UGT2B7: variants seen among roughly 807,000 people sequenced by gnomAD.
UGT2B7 encodes the protein UDP-glucuronosyltransferase 2B7.
In UGT2B7, 51 loss-of-function variants were observed where a neutral mutation model predicts 51.9. The ratio of observed to expected loss-of-function variants is 0.98; its 90% confidence interval spans 0.78 to 1.24. The LOEUF is 1.24. Among genes scored for constraint, UGT2B7 ranks in the 50% most tolerant of loss-of-function variants. The probability of loss-of-function intolerance (pLI) is 0.00; values close to 1 mark genes in which losing one functional copy is unlikely to be tolerated. For missense variants in UGT2B7, 727 were observed against 628.4 expected, an observed-to-expected ratio of 1.16 and a Z score of -1.68; for synonymous variants, 225 against 211.6, an observed-to-expected ratio of 1.06 and a Z score of -0.55.
At chr4:69,067,604 A>G (rs1334419661) in intron 1 of UGT2B7, 1 of 153,160 alleles carries the variant, frequency 6.5e-6, no homozygotes. Context: ...CATTAAAGGC[A>G]GTCATTAATG....
chr4:69,057,772 C>A (rs1423320769), intron 1 of UGT2B7, among the ~76,000 whole-genome samples: 1 of 152,188 alleles, frequency 6.6e-6, no homozygotes, highest in Non-Finnish European at 1.5e-5. Context: ...TGTTAAAGAA[C>A]TTTAAGAAAG....
At chr4:69,100,875 A>AT (rs1450854422) in intron 2 of UGT2B7, among the ~76,000 whole-genome samples, 1 of 152,146 alleles carries the variant, frequency 6.6e-6, no homozygotes, top group Non-Finnish European at 1.5e-5. Flanking sequence ...TTATAAGAGA[A>AT]AAAGACACTT....
chr4:69,056,856 G>C (rs551434422), intron 1 of UGT2B7, among the ~76,000 whole-genome samples: 3 of 152,234 alleles, frequency 2.0e-5, no homozygotes, highest in Admixed American at 6.5e-5. Flanking sequence ...CAAAAGGGGG[G>C]AATGAAGGAA....
At chr4:69,087,068 C>G (rs1718978188) in intron 1 of UGT2B7, among the ~76,000 whole-genome samples, 1 of 151,194 alleles carries the variant, frequency 6.6e-6, no homozygotes, top group African/African-American at 2.4e-5. Context: ...CTTTCTCTCT[C>G]TCTCTCTCTG....
intron 1 of UGT2B7, among the ~76,000 whole-genome samples, chr4:69,056,199 A>G (rs1718191633): frequency 6.6e-6 from 1 of 152,206 alleles, no homozygotes. Flanking sequence ...TTAAAAAGAT[A>G]ATAAATGGCC....
chr4:69,082,124 T>C (rs1560504342), intron 1 of UGT2B7, among the ~76,000 whole-genome samples: 1 of 152,082 alleles, frequency 6.6e-6, no homozygotes, highest in Non-Finnish European at 1.5e-5. Flanking sequence ...ATATAAGATG[T>C]CCAACTTAAT....
chr4:69,106,803 G>C, intron 3 of UGT2B7, among the ~76,000 whole-genome samples: 1 of 151,008 alleles, frequency 6.6e-6, no homozygotes, highest in Non-Finnish European at 1.5e-5. Context: ...ACTGGTGTGA[G>C]ATGCTATCTC....
At chr4:69,101,519 A>G (rs2109887625) in intron 2 of UGT2B7, among the ~76,000 whole-genome samples, 1 of 152,248 alleles carries the variant, frequency 6.6e-6, no homozygotes, top group East Asian at 1.9e-4. Flanking sequence ...AGTGAGATGA[A>G]ACACTGAACA....
At chr4:69,057,208 A>G (rs1718224587) in intron 1 of UGT2B7, among the ~76,000 whole-genome samples, 1 of 152,328 alleles carries the variant, frequency 6.6e-6, no homozygotes, top group Non-Finnish European at 1.5e-5. Context: ...AGCCCTTAAA[A>G]GGGACAGAAA....
chr4:69,082,396 T>TA (rs113112022), intron 1 of UGT2B7, among the ~76,000 whole-genome samples: 84,193 of 148,956 alleles, frequency 0.57, 24,313 homozygotes, highest in East Asian at 0.7. Flanking sequence ...AGTTGTGAAT[T>TA]AAAAAAAAAA....
intron 1 of UGT2B7, among the ~76,000 whole-genome samples, chr4:69,078,821 C>T (rs998173034): frequency 1.6e-4 from 25 of 152,060 alleles, no homozygotes; most frequent in African/African-American, 5.3e-4. Context: ...AAGTTATTTG[C>T]CATGCTGTTG....
intron 1 of UGT2B7, among the ~76,000 whole-genome samples, chr4:69,072,897 T>G (rs1453100012): frequency 6.6e-6 from 1 of 152,164 alleles, no homozygotes; most frequent in East Asian, 1.9e-4. Flanking sequence ...AAAGTTGTGT[T>G]CCTTCAGACA....
At position 69,058,920 on chromosome 4, in the gene UGT2B7, G is replaced by C. The variant is rs1036707150; in HGVS notation, c.-159+7318G>C. Among the ~76,000 whole-genome samples the C allele has an allele frequency of 4.5e-4, 69 of 152,206 alleles. 3 individuals are homozygous for C. On this transcript the variant is annotated intron_variant, in intron 1 of 5. Transcript: ENST00000502942. Reference sequence around the variant, plus strand: ...GGACAGGGATTTGAGAGCAGGCCCAGGTTGGAAAGAGATCAGTGTGCACAG... The same window carrying C: ...GGACAGGGATTTGAGAGCAGGCCCACGTTGGAAAGAGATCAGTGTGCACAG...
rs1347384823 is a variant in UGT2B7, at chr4:69,112,690, G to A, written c.1544G>A (p.Cys515Tyr). The change falls in exon 6 of 6, where the codon TGT (cysteine) becomes TAT (tyrosine). Residue 515 changes from cysteine (C) to tyrosine (Y), a missense_variant. Transcript: ENST00000305231. Reference protein sequence around the residue: ...IFIVTKCCLFCFWKFARKAKK... With the variant: ...IFIVTKCCLFYFWKFARKAKK... ...ATCGTCACAAAATGTTGTCTGTTTT[G>A]TTTCTGGAAGTTTGCTAGAAAAGCA... 3 of 1,613,596 alleles carry A rather than the reference G, an allele frequency of 1.9e-6. No homozygotes were observed. Among genetic ancestry groups the A allele is most frequent in the East Asian group, 2.2e-5 (1 of 44,876 alleles).
upstream of UGT2B7, among the ~76,000 whole-genome samples, chr4:69,092,235 G>A (rs1239341565): frequency 6.6e-6 from 1 of 152,140 alleles, no homozygotes. Context: ...ACTATATTTG[G>A]CTTGTAGACC....
chr4:69,062,947 C>T (rs148553865), intron 1 of UGT2B7, among the ~76,000 whole-genome samples: 2,511 of 152,292 alleles, frequency 0.016, 29 homozygotes, highest in Non-Finnish European at 0.026. Flanking sequence ...AAGAATGCTA[C>T]TGTTTGCTTT....
intron 1 of UGT2B7, among the ~76,000 whole-genome samples, chr4:69,051,881 G>A (rs894869273): frequency 1.3e-5 from 2 of 152,190 alleles, no homozygotes; most frequent in African/African-American, 4.8e-5. Context: ...TGGGTATGCT[G>A]ATTTTGGTTT....
At chr4:69,087,196 T>C (rs868345530) in intron 1 of UGT2B7, among the ~76,000 whole-genome samples, 8 of 151,830 alleles carry the variant, frequency 5.3e-5, no homozygotes, top group African/African-American at 1.9e-4. Flanking sequence ...TTTGATTCCA[T>C]GCCATTTGTG....
intron 1 of UGT2B7, among the ~76,000 whole-genome samples, chr4:69,074,809 G>T (rs1718668452): frequency 6.6e-6 from 1 of 152,014 alleles, no homozygotes; most frequent in Admixed American, 6.6e-5. Flanking sequence ...TCTATTCATA[G>T]AATTCGTTCC....
Sources: allele counts gnomAD v4.1 joint callset (sites outside exome capture counted in the v4.1 genomes callset), GRCh38; gene constraint gnomAD v4.1.1; transcripts MANE v1.5; gene names NCBI Gene and HGNC (gene_info 2026-07-23, HGNC 2026-07-21).